Variants in QRICH1 observed in about 807,000 individuals in gnomAD.
The protein encoded by QRICH1 is transcriptional regulator QRICH1.
In QRICH1, 16 loss-of-function variants were observed where a neutral mutation model predicts 87.1. The observed-to-expected ratio is 0.18, with a 90% CI of 0.12 to 0.28. The LOEUF is 0.28. Among genes scored for constraint, QRICH1 ranks in the 10% least tolerant of loss-of-function variants. The pLI, the probability that QRICH1 is intolerant of heterozygous loss-of-function variation, is 1.00. For missense variants in QRICH1, 647 were observed against 951.7 expected (o/e 0.68, Z 4.21); for synonymous variants, 367 against 368.4 (o/e 1.00, Z 0.05).
chr3:49,042,535 T>A (rs2093316623), intron 6 of QRICH1, among the ~76,000 whole-genome samples: 1 of 152,098 alleles, frequency 6.6e-6, no homozygotes, highest in Non-Finnish European at 1.5e-5. Context: ...ATCAGTGGTT[T>A]TCAGGGTATC....
chr3:49,062,910 G>T (rs1176671542), intron 2 of QRICH1, among the ~76,000 whole-genome samples: 6 of 151,784 alleles, frequency 4.0e-5, no homozygotes, highest in Non-Finnish European at 8.8e-5. Flanking sequence ...TGAGACAGGA[G>T]AATGGCGTGA....
intron 4 of QRICH1, among the ~76,000 whole-genome samples, chr3:49,046,846 G>A (rs549066776): frequency 1.3e-5 from 2 of 152,206 alleles, no homozygotes; most frequent in East Asian, 1.9e-4. Context: ...CCTGAAACCC[G>A]TATGTCTAAA....
chr3:49,082,163 A>G (rs2042075410), intron 1 of QRICH1, among the ~76,000 whole-genome samples: 1 of 151,972 alleles, frequency 6.6e-6, no homozygotes, highest in South Asian at 2.1e-4. Context: ...CCTGGTCTCA[A>G]ACTCCTCACC....
At chr3:49,093,687 G>GGC (rs2042325427) in intron 1 of QRICH1, 1 of 217,316 alleles carries the variant, frequency 4.6e-6, no homozygotes, top group African/African-American at 2.3e-5. Context: ...CGCCCGCACC[G>GGC]GCGCGCCATC....
At chr3:49,046,992 T>G in intron 4 of QRICH1, 77 bp downstream of exon 4, 1 of 1,503,636 alleles carries the variant, frequency 6.7e-7, no homozygotes, top group Non-Finnish European at 9.0e-7. Flanking sequence ...GACACCACTT[T>G]TCTGGCATTT....
intron 2 of QRICH1, among the ~76,000 whole-genome samples, chr3:49,060,852 C>G (rs2093430395): frequency 6.6e-6 from 1 of 151,786 alleles, no homozygotes; most frequent in African/African-American, 2.4e-5. Flanking sequence ...AATGCCTGGC[C>G]AGGTGCATTG....
chr3:49,065,857 G>A (rs1243649015), intron 2 of QRICH1, among the ~76,000 whole-genome samples: 1 of 152,056 alleles, frequency 6.6e-6, no homozygotes, highest in East Asian at 1.9e-4. Context: ...TTTTTGTTTT[G>A]TATTTTTATT....
At chr3:49,059,441 T>A (rs966781530) in intron 2 of QRICH1, among the ~76,000 whole-genome samples, 2 of 150,166 alleles carry the variant, frequency 1.3e-5, no homozygotes, top group African/African-American at 2.4e-5. Context: ...TTTTTTTTTT[T>A]AGACAGAGTC....
At chr3:49,084,663 C>A (rs1004509109) in intron 1 of QRICH1, among the ~76,000 whole-genome samples, 9 of 152,000 alleles carry the variant, frequency 5.9e-5, no homozygotes, top group Non-Finnish European at 1.0e-4. Context: ...ACTCTAGAGG[C>A]TGAGGCAGGA....
chr3:49,081,523 C>A (rs1474227073), intron 1 of QRICH1, among the ~76,000 whole-genome samples: 1 of 151,874 alleles, frequency 6.6e-6, no homozygotes, highest in Non-Finnish European at 1.5e-5. Flanking sequence ...TTTCTTTAGA[C>A]AAGGTCTTAT....
chr3:49,058,024 G>A, intron 2 of QRICH1, 134 bp from the exon 3 acceptor site: 3 of 1,471,230 alleles, frequency 2.0e-6, no homozygotes, highest in Non-Finnish European at 2.8e-6. Context: ...CAAGGCTTCT[G>A]AGAAGGACAC....
intron 3 of QRICH1, among the ~76,000 whole-genome samples, chr3:49,053,718 C>T (rs1056155520): frequency 2.0e-5 from 3 of 151,948 alleles, no homozygotes; most frequent in Non-Finnish European, 4.4e-5. Flanking sequence ...AAAAATGGGG[C>T]CACAGATGGC....
At position 49,031,351 on chromosome 3, in the gene QRICH1, C is replaced by T. The variant is rs372761338; in HGVS notation, c.2139-707G>A. Reference sequence around the variant, plus strand: ...AGTGGGGCCCTAAACTTGGGTTCACCCCCCTCCCCCGAACTGTGCTGTACC... The same window carrying T: ...AGTGGGGCCCTAAACTTGGGTTCACTCCCCTCCCCCGAACTGTGCTGTACC... On this transcript the variant is annotated intron_variant, in intron 9 of 9. Coordinates refer to ENST00000395443, the MANE Select transcript of QRICH1 (RefSeq NM_198880.3). 2.9e-3 allele frequency among the ~76,000 whole-genome samples: 443 copies of T among 152,132 alleles called. 4 individuals are homozygous for T. Among genetic ancestry groups the T allele is most frequent in the African/African-American group, 9.7e-3 (404 of 41,506 alleles).
At chr3:49,070,429 A>G (rs963333175) in intron 2 of QRICH1, among the ~76,000 whole-genome samples, 47 of 152,070 alleles carry the variant, frequency 3.1e-4, no homozygotes, top group Non-Finnish European at 1.0e-4. Context: ...CAACACTCTT[A>G]AAAATGCTTT....
intron 7 of QRICH1, 134 bp from the exon 8 acceptor site, chr3:49,032,907 T>A: frequency 8.6e-7 from 1 of 1,163,504 alleles, no homozygotes; most frequent in African/African-American, 1.6e-5. Context: ...ACCCAAGCAG[T>A]GTCCAGTGCA....
At chr3:49,092,629 C>T (rs183466033) in intron 1 of QRICH1, among the ~76,000 whole-genome samples, 4 of 152,138 alleles carry the variant, frequency 2.6e-5, no homozygotes, top group African/African-American at 4.8e-5. Flanking sequence ...CTTAATTGAG[C>T]AAGACTGTAA....
At chr3:49,070,524 C>T (rs529619434) in intron 2 of QRICH1, among the ~76,000 whole-genome samples, 4 of 152,222 alleles carry the variant, frequency 2.6e-5, no homozygotes, top group East Asian at 3.9e-4. Context: ...ACTGCAACTT[C>T]GAACTCCTGG....
intron 1 of QRICH1, among the ~76,000 whole-genome samples, chr3:49,079,236 A>AC (rs2042011184): frequency 2.6e-5 from 4 of 151,890 alleles, no homozygotes; most frequent in African/African-American, 4.8e-5. Context: ...TCTGTCTAAA[A>AC]AAAACAAACA....
In QRICH1 at chr3:49,057,326, C is replaced by T. The variant is rs1488000904; in HGVS notation, c.874G>A (p.Ala292Thr). Residue 292 changes from alanine (A) to threonine (T), a missense_variant, in exon 3 of 10, where the codon GCC becomes ACC. Coordinates refer to ENST00000395443, the MANE Select transcript of QRICH1 (RefSeq NM_198880.3). The surrounding 1 kb of genome is among the most constrained non-coding windows in gnomAD (Gnocchi z 5.4). ...GTCCCAGTGGCACTGTACAGGTGGG[C>T]ACTGTCTACTGTCAGTAAGTCTGGC... ...LRPDLLTVDS[A>T]HLYSATGTIT... 5 of 1,614,102 alleles carry T rather than the reference C, an allele frequency of 3.1e-6. No homozygotes were observed. The Admixed American group carries it at 6.7e-5, about 22-fold the overall frequency.
Sources: allele counts gnomAD v4.1 joint callset (sites outside exome capture counted in the v4.1 genomes callset), GRCh38; gene constraint gnomAD v4.1.1; non-coding constraint Gnocchi (gnomAD v3.1); transcripts MANE v1.5; gene names NCBI Gene and HGNC (gene_info 2026-07-23, HGNC 2026-07-21).